ZBTB34: variants seen among roughly 807,000 people sequenced by gnomAD.
The protein encoded by ZBTB34 is zinc finger and BTB domain-containing protein 34.
ZBTB34 carries 1 observed loss-of-function variant against 33.4 expected under a neutral mutation model. The observed-to-expected ratio is 0.03, with a 90% CI of 0.01 to 0.14. The LOEUF (loss-of-function observed/expected upper bound fraction) is 0.14. Among genes scored for constraint, ZBTB34 ranks in the 10% least tolerant of loss-of-function variants. The pLI is 1.00. For synonymous variants in ZBTB34, 283 were observed against 253.5 expected (o/e 1.12, Z -1.11); for missense variants, 406 against 657.2 (o/e 0.62, Z 4.18).
intron 1 of ZBTB34, among the ~76,000 whole-genome samples, chr9:126,868,452 A>G (rs1371076716): frequency 6.6e-6 from 1 of 152,110 alleles, no homozygotes; most frequent in African/African-American, 2.4e-5. Context: ...ATTTCCAGGC[A>G]GTGCCGCTCT....
chr9:126,860,715 G>T (rs1213563205), exon 1 of ZBTB34: 1 of 146,066 alleles, frequency 6.8e-6, no homozygotes, highest in Non-Finnish European at 1.5e-5. Flanking sequence ...GCGGGCGGGC[G>T]ATGTGAGCGC....
intron 1 of ZBTB34, among the ~76,000 whole-genome samples, chr9:126,866,201 A>G (rs139959219): frequency 2.7e-3 from 405 of 151,650 alleles, no homozygotes; most frequent in African/African-American, 9.3e-3. Context: ...CCAAATCAGT[A>G]TCTTCGGGTC....
At chr9:126,863,812 C>T (rs1437644525) in intron 1 of ZBTB34, 1 of 593,512 alleles carries the variant, frequency 1.7e-6, no homozygotes, top group Non-Finnish European at 2.1e-6. Flanking sequence ...AGATAAGATG[C>T]TGTGCCTTAC....
chr9:126,869,852 A>G (rs2033255525), intron 1 of ZBTB34, among the ~76,000 whole-genome samples: 1 of 152,220 alleles, frequency 6.6e-6, no homozygotes, highest in Non-Finnish European at 1.5e-5. Flanking sequence ...ACCTGTGAAG[A>G]AGTTGAGGAG....
chr9:126,871,061 G>T (rs1287323546), intron 1 of ZBTB34, among the ~76,000 whole-genome samples: 1 of 152,166 alleles, frequency 6.6e-6, no homozygotes, highest in Non-Finnish European at 1.5e-5. Flanking sequence ...ACAGATAATT[G>T]CTGCTACCTC....
At chr9:126,866,325 C>T (rs2033201120) in intron 1 of ZBTB34, among the ~76,000 whole-genome samples, 1 of 152,152 alleles carries the variant, frequency 6.6e-6, no homozygotes. Context: ...GCCTCAGTCT[C>T]CAGGTGCTGC....
At chr9:126,877,211 A>G (rs2033374425) in intron 1 of ZBTB34, among the ~76,000 whole-genome samples, 1 of 152,154 alleles carries the variant, frequency 6.6e-6, no homozygotes, top group Admixed American at 6.6e-5. Context: ...TTTCATTTTG[A>G]AAAACCTCAA....
chr9:126,877,637 G>A (rs914095700), intron 1 of ZBTB34, among the ~76,000 whole-genome samples: 37 of 152,172 alleles, frequency 2.4e-4, no homozygotes, highest in African/African-American at 6.5e-4. Flanking sequence ...AGCTGTGAGC[G>A]CTAGTAGAAG....
At chr9:126,871,335 G>A (rs751042902) in intron 1 of ZBTB34, among the ~76,000 whole-genome samples, 2 of 151,176 alleles carry the variant, frequency 1.3e-5, no homozygotes, top group African/African-American at 2.4e-5. Flanking sequence ...ATAGGTCAGC[G>A]TGTATGTGCT....
intron 1 of ZBTB34, among the ~76,000 whole-genome samples, chr9:126,876,781 TA>T (rs1258028767): frequency 6.6e-6 from 1 of 152,240 alleles, no homozygotes; most frequent in Non-Finnish European, 1.5e-5. Context: ...TATGTTATCC[TA>T]AAAATATGTT....
Position 126,873,533 on chromosome 9 carries a change from G to A in ZBTB34, c.-10-5857G>A, listed in dbSNP as rs570442347. On this transcript the variant is annotated intron_variant, in intron 1 of 1. Coordinates refer to ENST00000319119, the Ensembl canonical transcript of ZBTB34. Reference sequence around the variant, plus strand: ...CCTAACTCGGCCTCCCAAAGTGCTGGGATTACAGGCATGAACCACCGTTCC... The same window carrying A: ...CCTAACTCGGCCTCCCAAAGTGCTGAGATTACAGGCATGAACCACCGTTCC... 5.9e-5 allele frequency among the ~76,000 whole-genome samples: 9 copies of A among 151,276 alleles called. No individual in the cohort carries two copies. The South Asian group carries it at 1.9e-3, about 32-fold the overall frequency.
intron 1 of ZBTB34, among the ~76,000 whole-genome samples, chr9:126,875,377 G>A (rs1030848603): frequency 2.0e-5 from 3 of 151,724 alleles, no homozygotes; most frequent in South Asian, 2.1e-4. Context: ...TCATTTTTTC[G>A]GATTTCTAAG....
At chr9:126,862,819 T>C (rs1389422528) in intron 1 of ZBTB34, among the ~76,000 whole-genome samples, 1 of 152,198 alleles carries the variant, frequency 6.6e-6, no homozygotes, top group Non-Finnish European at 1.5e-5. Context: ...GGAGACCTTA[T>C]AGTATCTAAT....
intron 1 of ZBTB34, among the ~76,000 whole-genome samples, chr9:126,869,032 G>A (rs1313711057): frequency 6.6e-6 from 1 of 152,096 alleles, no homozygotes; most frequent in Non-Finnish European, 1.5e-5. Flanking sequence ...CTAGAAAAGA[G>A]GGAGATTTTG....
exon 2 of ZBTB34, chr9:126,885,393 A>G (rs1216669962): frequency 6.0e-6 from 1 of 167,076 alleles, no homozygotes; most frequent in East Asian, 1.9e-4. Context: ...TTGCTGCCCA[A>G]GCCTTTGGTT....
chr9:126,865,132 G>T (rs1383605447), intron 1 of ZBTB34, among the ~76,000 whole-genome samples: 5 of 152,226 alleles, frequency 3.3e-5, no homozygotes, highest in Admixed American at 3.3e-4. Flanking sequence ...GCATCTTGTG[G>T]AGCAAATTAG....
intron 1 of ZBTB34, among the ~76,000 whole-genome samples, chr9:126,866,014 GA>G (rs2033195520): frequency 1.3e-5 from 2 of 152,228 alleles, no homozygotes; most frequent in East Asian, 3.9e-4. Context: ...CTAGTCAGTG[GA>G]AAGGCTTGAG....
At chr9:126,876,915 G>A (rs2033370891) in intron 1 of ZBTB34, among the ~76,000 whole-genome samples, 1 of 152,174 alleles carries the variant, frequency 6.6e-6, no homozygotes, top group Admixed American at 6.6e-5. Flanking sequence ...ATTCGGACAT[G>A]ATCTAGGCAC....
chr9:126,874,887 G>GA (rs1256347080), intron 1 of ZBTB34, among the ~76,000 whole-genome samples: 11 of 152,176 alleles, frequency 7.2e-5, no homozygotes, highest in Admixed American at 2.0e-4. Context: ...CATCGTGAAA[G>GA]ATCTCATAGC....
Sources: allele counts gnomAD v4.1 joint callset (sites outside exome capture counted in the v4.1 genomes callset), GRCh38; gene constraint gnomAD v4.1.1; transcripts MANE v1.5; gene names NCBI Gene and HGNC (gene_info 2026-07-23, HGNC 2026-07-21).